COL4A3: variants seen among roughly 807,000 people sequenced by gnomAD.
COL4A3 encodes the protein collagen alpha-3(IV) chain.
Under a neutral mutation model 217.4 loss-of-function variants are expected in COL4A3, and 135 were observed. The observed-to-expected ratio is 0.62, with a 90% CI of 0.54 to 0.72. The LOEUF (loss-of-function observed/expected upper bound fraction) is 0.72. COL4A3 is among the 30% of genes least tolerant of loss of function. The probability of loss-of-function intolerance (pLI) is 0.00; values close to 1 mark genes in which losing one functional copy is unlikely to be tolerated. For synonymous variants in COL4A3, 690 were observed against 736.3 expected (o/e 0.94, Z 1.02); for missense variants, 1,868 against 2,119.9 (o/e 0.88, Z 2.33).
At chr2:227,310,040 C>T (rs1268005681) in intron 50 of COL4A3, among the ~76,000 whole-genome samples, 1 of 152,194 alleles carries the variant, frequency 6.6e-6, no homozygotes, top group Non-Finnish European at 1.5e-5. Flanking sequence ...GAATGAAGTA[C>T]TTTCCCCAGG....
At position 227,310,904 on chromosome 2, in the gene COL4A3, C is replaced by T; in HGVS notation, c.4884C>T (p.Ser1628=). 6.2e-7 allele frequency: 1 copy of T among 1,614,058 alleles called. No homozygotes were observed. The highest frequency in any genetic ancestry group is 1.3e-5 in the African/African-American group (1 of 75,034). ...GRGTCNYYSN[S]YSFWLASLNP... is the part of the protein sequence containing the mutation. ...GAACGTGCAACTACTATTCAAATTCCTACAGTTTCTGGCTGGCTTCATTAA... is the reference window on the plus strand; with the variant it reads ...GAACGTGCAACTACTATTCAAATTCTTACAGTTTCTGGCTGGCTTCATTAA... The change falls in exon 51 of 52, where the codon TCC becomes TCT. Residue 1628 remains serine (S), a synonymous_variant. Transcript: ENST00000396578.
chr2:227,222,491 C>G (rs377701004), intron 1 of COL4A3: 3 of 152,250 alleles, frequency 2.0e-5, no homozygotes, highest in East Asian at 3.9e-4. Context: ...ACTTGTCCCC[C>G]CTCCTAGGAA....
chr2:227,310,692 A>G, intron 50 of COL4A3, 84 bp from the exon 51 acceptor site: 1 of 1,133,340 alleles, frequency 8.8e-7, no homozygotes, highest in Admixed American at 1.8e-5. Flanking sequence ...ACAGTTGCCC[A>G]TTCATTCAAA....
intron 43 of COL4A3, among the ~76,000 whole-genome samples, chr2:227,302,653 G>A (rs1030863411): frequency 8.5e-6 from 1 of 117,072 alleles, no homozygotes; most frequent in African/African-American, 3.5e-5. Flanking sequence ...CTCCAGTCTG[G>A]AGGACAAAAC....
At chr2:227,216,986 CTG>C (rs1450177684) in intron 1 of COL4A3, among the ~76,000 whole-genome samples, 1 of 152,124 alleles carries the variant, frequency 6.6e-6, no homozygotes, top group African/African-American at 2.4e-5. Flanking sequence ...GATTTAGTGA[CTG>C]TATTGGTCTA....
At chr2:227,223,706 C>T (rs1455824437) in intron 1 of COL4A3, among the ~76,000 whole-genome samples, 1 of 152,138 alleles carries the variant, frequency 6.6e-6, no homozygotes, top group African/African-American at 2.4e-5. Flanking sequence ...TGCACGCCAA[C>T]CTGGGTGACA....
intron 50 of COL4A3, among the ~76,000 whole-genome samples, 186 bp downstream of exon 50, chr2:227,309,504 T>C (rs1257467360): frequency 6.6e-6 from 1 of 152,112 alleles, no homozygotes; most frequent in Non-Finnish European, 1.5e-5. Context: ...AATGGAGTAC[T>C]AAAAAAGACT....
Position 227,307,691 on chromosome 2 carries a change from T to C in COL4A3, c.4253-19T>C, listed in dbSNP as rs374808546. Reference sequence around the variant, plus strand: ...AGATTTTTGTGTATGTTGCAACATTTAGAATGTGTTTTTTGAAGGACCAGC... The same window carrying C: ...AGATTTTTGTGTATGTTGCAACATTCAGAATGTGTTTTTTGAAGGACCAGC... On this transcript the variant is annotated intron_variant, in intron 47 of 51. Coordinates refer to ENST00000396578, the MANE Select transcript of COL4A3 (RefSeq NM_000091.5). The C allele has an allele frequency of 3.1e-6, 5 of 1,609,740 alleles. No homozygotes were observed. Among genetic ancestry groups the C allele is most frequent in the Admixed American group, 3.3e-5 (2 of 59,986 alleles).
chr2:227,224,637 C>T (rs552875431), intron 1 of COL4A3, among the ~76,000 whole-genome samples: 439 of 152,134 alleles, frequency 2.9e-3, no homozygotes, highest in Middle Eastern at 0.01. Flanking sequence ...CGCCTGTAAT[C>T]CCAGCTAGTC....
At chr2:227,173,098 A>T (rs979449379) in intron 1 of COL4A3, among the ~76,000 whole-genome samples, 2 of 152,208 alleles carry the variant, frequency 1.3e-5, no homozygotes, top group African/African-American at 4.8e-5. Context: ...AAGGCCTTAA[A>T]ACTCTTTAAC....
At chr2:227,291,562 C>CAAAA (rs869289707) in intron 37 of COL4A3, among the ~76,000 whole-genome samples, 6 of 34,410 alleles carry the variant, frequency 1.7e-4, no homozygotes, top group African/African-American at 7.0e-4. Context: ...GACTCCGTCT[C>CAAAA]AAAAAAAAAA....
intron 1 of COL4A3, among the ~76,000 whole-genome samples, chr2:227,199,920 T>C (rs10498213): frequency 0.14 from 21,839 of 152,286 alleles, 1,704 homozygotes; most frequent in Non-Finnish European, 0.17. Context: ...CTTATCTTTA[T>C]ATATGTTAAC....
Position 227,288,830 on chromosome 2 carries a change from A to T in COL4A3, c.2882-320A>T, listed in dbSNP as rs550126073. On this transcript the variant is annotated intron_variant, in intron 34 of 51. Transcript: ENST00000396578. ...AAGAGACAGAAGCCCAAATCCGCCC[A>T]TGCTCTTAACATATATGCTATATGC... 3.3e-5 allele frequency among the ~76,000 whole-genome samples: 5 copies of T among 152,262 alleles called. No individual in the cohort carries two copies. The South Asian group carries it at 1.0e-3, about 32-fold the overall frequency.
intron 34 of COL4A3, 72 bp from the exon 35 acceptor site, chr2:227,289,078 G>A (rs563713859): frequency 4.5e-5 from 51 of 1,142,362 alleles, no homozygotes; most frequent in South Asian, 7.8e-5. Context: ...AGCCTCCCAC[G>A]TAGCTGGGAT....
At chr2:227,291,561 T>C (rs866353200) in intron 37 of COL4A3, among the ~76,000 whole-genome samples, 1 of 29,384 alleles carries the variant, frequency 3.4e-5, no homozygotes, top group African/African-American at 2.4e-4. Flanking sequence ...AGACTCCGTC[T>C]CAAAAAAAAA....
At chr2:227,291,317 A>T (rs146736464) in intron 37 of COL4A3, among the ~76,000 whole-genome samples, 2,773 of 152,120 alleles carry the variant, frequency 0.018, 28 homozygotes, top group Middle Eastern at 0.075. Flanking sequence ...TAATCCTAGC[A>T]CTTTGGGAGG....
chr2:227,295,994 G>A (rs964212123), intron 41 of COL4A3, among the ~76,000 whole-genome samples: 1 of 152,120 alleles, frequency 6.6e-6, no homozygotes, highest in East Asian at 1.9e-4. Context: ...TCTCAGCCAC[G>A]CGTCCTATGA....
intron 1 of COL4A3, among the ~76,000 whole-genome samples, chr2:227,177,048 C>T (rs746597337): frequency 1.3e-5 from 2 of 151,970 alleles, no homozygotes; most frequent in Non-Finnish European, 1.5e-5. Flanking sequence ...TTACTGGTAA[C>T]ATGTTAGTCT....
At chr2:227,273,191 C>A in intron 26 of COL4A3, 74 bp downstream of exon 26, 1 of 1,505,014 alleles carries the variant, frequency 6.6e-7, no homozygotes, top group Non-Finnish European at 9.2e-7. Context: ...CGAAGCTTCT[C>A]CAAGACTAAG....
Sources: allele counts gnomAD v4.1 joint callset (sites outside exome capture counted in the v4.1 genomes callset), GRCh38; gene constraint gnomAD v4.1.1; transcripts MANE v1.5; gene names NCBI Gene and HGNC (gene_info 2026-07-23, HGNC 2026-07-21).